The following CD86 variants were observed in gnomAD, a reference collection of about 807,000 sequenced individuals.
CD86 encodes CD86 molecule.
A neutral mutation model predicts 32.1 loss-of-function variants in CD86; 11 were observed. The ratio of observed to expected loss-of-function variants is 0.34; its 90% confidence interval spans 0.22 to 0.57. The LOEUF is 0.57. CD86 is among the 20% of genes least tolerant of loss of function. CD86 has a pLI of 0.86. For missense variants in CD86, 359 were observed against 398.4 expected, an observed-to-expected ratio of 0.90 and a Z score of 0.84; for synonymous variants, 137 against 135.3, an observed-to-expected ratio of 1.01 and a Z score of -0.09.
intron 5 of CD86, among the ~76,000 whole-genome samples, chr3:122,113,300 C>A (rs531511166): frequency 6.6e-6 from 1 of 152,284 alleles, no homozygotes; most frequent in Non-Finnish European, 1.5e-5. Context: ...GCAAATTGTG[C>A]TGCTATAAAC....
chr3:122,119,015 C>T (rs1247003621), intron 6 of CD86, among the ~76,000 whole-genome samples: 1 of 152,112 alleles, frequency 6.6e-6, no homozygotes, highest in Non-Finnish European at 1.5e-5. Flanking sequence ...GTCATAACCC[C>T]CAGGGTGCAG....
chr3:122,074,452 C>T (rs896611029), intron 1 of CD86, among the ~76,000 whole-genome samples: 12 of 152,212 alleles, frequency 7.9e-5, no homozygotes, highest in Non-Finnish European at 1.5e-5. Flanking sequence ...CACTAATTAA[C>T]GTTTCAATAA....
rs200108817 is a variant in CD86 at position 122,063,610 on chromosome 3, TTA to T, written c.14+8108_14+8109del. On this transcript the variant is annotated intron_variant, in intron 1 of 6. Coordinates refer to ENST00000330540, the MANE Select transcript of CD86 (RefSeq NM_175862.5). ...TAGAAAGATTTTTTTTTTTTTTTTT[TTA>T]AAGACAGAGTCTCACTCACGTTGTC... 4.2e-3 allele frequency among the ~76,000 whole-genome samples: 599 copies of T among 141,518 alleles called. 2 individuals carry two copies. The highest frequency in any genetic ancestry group is 0.012 in the African/African-American group (437 of 37,782). The allele number at this position is 141,518 out of a possible 152,430, so 92.8% of individuals were successfully genotyped here. A position where few individuals can be genotyped will look rare whatever the true frequency, so the allele number is the denominator to read the frequency against.
At position 122,106,387 on chromosome 3, in the gene CD86, A is replaced by G; in HGVS notation, c.590A>G (p.Tyr197Cys). 1.2e-6 allele frequency: 2 copies of G among 1,614,058 alleles called. No individual in the cohort carries two copies. Among genetic ancestry groups the G allele is most frequent in the Non-Finnish European group, 1.7e-6 (2 of 1,179,896 alleles). ...TCTCAAGATAATGTCACAGAACTGT[A>G]CGACGTTTCCATCAGCTTGTCTGTT... ...QKSQDNVTELYDVSISLSVSF... is the reference protein window; with the variant it reads ...QKSQDNVTELCDVSISLSVSF... Residue 197 changes from tyrosine to cysteine, a missense_variant, in exon 4 of 7, where the codon TAC becomes TGC. Tyr to Cys is a radical substitution (Grantham distance 194). Transcript: ENST00000330540.
chr3:122,095,050 A>T lies in CD86; in HGVS notation c.64+3400A>T, dbSNP rs563850149. On this transcript the variant is annotated intron_variant, in intron 2 of 6. Transcript: ENST00000330540. ...GTATCTTTCCAGTTTGAGTTTTGGT[A>T]GCTGCTCTCTTTTTGTCTGAGGGTT... 1.1e-4 allele frequency among the ~76,000 whole-genome samples: 17 copies of T among 152,190 alleles called. No individual in the cohort carries two copies. The South Asian group carries it at 3.1e-3, about 28-fold the overall frequency.
chr3:122,098,007 G>A (rs572348997), intron 2 of CD86, among the ~76,000 whole-genome samples: 28 of 152,314 alleles, frequency 1.8e-4, no homozygotes, highest in African/African-American at 6.7e-4. Flanking sequence ...TTCAGAGACT[G>A]CCATGCACTG....
rs569546411 is a variant in CD86, at chr3:122,080,296, GA to G, written c.15-11297del. On this transcript the variant is annotated intron_variant, in intron 1 of 6. Coordinates refer to ENST00000330540, the MANE Select transcript of CD86 (RefSeq NM_175862.5). The stretch of plus-strand genomic sequence containing the variant: ...TGATCCTTACCTTTTTGGCAAAAAG[GA>G]AAAAAAATCGTTCTCAAATTCATCA... Among the ~76,000 whole-genome samples, 1,347 of 151,668 alleles carry G rather than the reference GA, an allele frequency of 8.9e-3. 15 individuals carry two copies. Among genetic ancestry groups the G allele is most frequent in the Non-Finnish European group, 0.015 (997 of 67,826 alleles).
At chr3:122,108,544 A>G (rs1435804415) in intron 4 of CD86, among the ~76,000 whole-genome samples, 2 of 152,144 alleles carry the variant, frequency 1.3e-5, no homozygotes, top group East Asian at 3.9e-4. Flanking sequence ...GTTCCCAAAA[A>G]TGTCTTTAAA....
chr3:122,077,788 G>GT (rs2072574699), intron 1 of CD86: 2 of 985,382 alleles, frequency 2.0e-6, no homozygotes, highest in South Asian at 4.7e-5. Context: ...GCCGGCAGAA[G>GT]TTATTTGGAA....
At chr3:122,066,171 G>A (rs555745266) in intron 1 of CD86, among the ~76,000 whole-genome samples, 9 of 152,236 alleles carry the variant, frequency 5.9e-5, no homozygotes, top group Admixed American at 3.9e-4. Flanking sequence ...TCAGTTTTGG[G>A]GGCCTTAAGA....
chr3:122,076,008 C>T (rs2072549907), intron 1 of CD86, among the ~76,000 whole-genome samples: 2 of 152,108 alleles, frequency 1.3e-5, no homozygotes, highest in African/African-American at 4.8e-5. Context: ...ATAACTGCCC[C>T]AAGAACACAC....
chr3:122,096,935 T>C (rs760640310), intron 2 of CD86, among the ~76,000 whole-genome samples: 7 of 152,372 alleles, frequency 4.6e-5, no homozygotes, highest in Middle Eastern at 3.4e-3. Flanking sequence ...CACATGTATC[T>C]TTTTGTAGAA....
At chr3:122,067,008 C>T (rs1432908804) in intron 1 of CD86, among the ~76,000 whole-genome samples, 3 of 151,754 alleles carry the variant, frequency 2.0e-5, no homozygotes, top group Non-Finnish European at 1.5e-5. Context: ...ACATTCCAGG[C>T]AGAAGAAACA....
intron 2 of CD86, among the ~76,000 whole-genome samples, chr3:122,102,637 T>C (rs1237609593): frequency 1.3e-5 from 2 of 152,046 alleles, no homozygotes; most frequent in Admixed American, 6.5e-5. Flanking sequence ...AGCAGCAAGT[T>C]TGTGGTGCCT....
At chr3:122,056,002 G>A (rs1278816085) in intron 1 of CD86, among the ~76,000 whole-genome samples, 1 of 152,106 alleles carries the variant, frequency 6.6e-6, no homozygotes, top group African/African-American at 2.4e-5. Flanking sequence ...GGGCAGGGTT[G>A]GGTAGTGGAA....
At chr3:122,117,400 A>G (rs2073271288) in intron 5 of CD86, among the ~76,000 whole-genome samples, 4 of 152,230 alleles carry the variant, frequency 2.6e-5, no homozygotes, top group Admixed American at 2.0e-4. Context: ...GGTATTGTTG[A>G]GTGGATTCTT....
chr3:122,060,644 TA>T (rs558148959), intron 1 of CD86, among the ~76,000 whole-genome samples: 7 of 150,562 alleles, frequency 4.6e-5, no homozygotes, highest in African/African-American at 7.3e-5. Context: ...TAATTTAAAT[TA>T]AAAAAAAAGG....
At chr3:122,067,413 A>G (rs1482398089) in intron 1 of CD86, among the ~76,000 whole-genome samples, 2 of 152,232 alleles carry the variant, frequency 1.3e-5, no homozygotes, top group African/African-American at 4.8e-5. Flanking sequence ...AGGAAGAAAG[A>G]ATACAGGGTG....
chr3:122,093,484 C>T (rs950780180), intron 2 of CD86, among the ~76,000 whole-genome samples: 2 of 152,214 alleles, frequency 1.3e-5, no homozygotes, highest in African/African-American at 4.8e-5. Context: ...CATACTTAGG[C>T]TACCTGGCAC....
Sources: gnomAD v4.1 joint callset for allele counts (sites outside exome capture counted in the v4.1 genomes callset) on GRCh38, gnomAD v4.1.1 for gene constraint, MANE v1.5 for transcripts, NCBI Gene and HGNC (gene_info 2026-07-23, HGNC 2026-07-21) for gene names.